Variants in UTY observed in about 807,000 individuals in gnomAD.
UTY encodes the protein histone demethylase UTY.
Under a neutral mutation model 32.5 loss-of-function variants are expected in UTY, and 12 were observed. The observed-to-expected ratio is 0.37, with a 90% confidence interval of 0.24 to 0.60. UTY has a LOEUF of 0.60. UTY is among the 20% of genes least tolerant of loss of function. UTY has a pLI of 0.69. For synonymous variants in UTY, 131 were observed against 103.4 expected (o/e 1.27, Z -1.62); for missense variants, 303 against 299.2 (o/e 1.01, Z -0.09).
intron 21 of UTY, among the ~76,000 whole-genome samples, chrY:13,316,072 TTAAC>T: frequency 3.0e-5 from 1 of 33,488 alleles, no homozygotes; most frequent in Non-Finnish European, 7.4e-5. Context: ...CTAAATTAAA[TTAAC>T]TGAGACCTCT....
intron 27 of UTY, chrY:13,297,420 G>A (rs757655431): frequency 3.7e-5 from 3 of 80,708 alleles, no homozygotes; most frequent in East Asian, 3.3e-4. Context: ...TCAGAATTAC[G>A]AGAAAATAGA....
At chrY:13,360,588 G>A in intron 10 of UTY, 60 bp from the exon 11 acceptor site, 2 of 272,279 alleles carry the variant, frequency 7.3e-6, no homozygotes, top group Non-Finnish European at 1.1e-5. Context: ...CCAAAAAGAT[G>A]AACTGTATTC....
At chrY:13,275,712 G>A (rs770921445) in intron 27 of UTY, among the ~76,000 whole-genome samples, 261 of 33,213 alleles carry the variant, frequency 7.9e-3, no homozygotes, top group Middle Eastern at 0.042. Context: ...ATTTTCTAAT[G>A]TTTTCTCTCT....
intron 27 of UTY, chrY:13,286,692 G>A: frequency 5.4e-6 from 2 of 370,581 alleles, no homozygotes; most frequent in East Asian, 9.3e-5. Context: ...TTTTTCACCC[G>A]AGGGTCGGCT....
chrY:13,398,660 G>A (rs2068577891), intron 6 of UTY, among the ~76,000 whole-genome samples: 1 of 32,807 alleles, frequency 3.0e-5, no homozygotes, highest in African/African-American at 1.2e-4. Flanking sequence ...AACTTAACAA[G>A]GACTTAAAAT....
At chrY:13,296,106 T>C (rs2058018941) in intron 27 of UTY, among the ~76,000 whole-genome samples, 1 of 34,019 alleles carries the variant, frequency 2.9e-5, no homozygotes, top group Non-Finnish European at 7.3e-5. Flanking sequence ...TCCAGGTTTC[T>C]AATATATCCT....
At chrY:13,424,299 G>A (rs2072967446) in intron 4 of UTY, among the ~76,000 whole-genome samples, 1 of 33,039 alleles carries the variant, frequency 3.0e-5, no homozygotes, top group African/African-American at 1.2e-4. Flanking sequence ...CCAGCTACTC[G>A]GGAGGCTGAG....
intron 17 of UTY, among the ~76,000 whole-genome samples, chrY:13,341,973 T>C (rs2061522051): frequency 3.0e-5 from 1 of 33,279 alleles, no homozygotes; most frequent in African/African-American, 1.2e-4. Context: ...GAAGGGGACA[T>C]GACTTTAAAC....
intron 27 of UTY, among the ~76,000 whole-genome samples, chrY:13,281,987 C>A (rs772497692): frequency 2.7e-4 from 9 of 33,177 alleles, no homozygotes; most frequent in Non-Finnish European, 4.5e-4. Context: ...GCATATGCAT[C>A]ATTCTCAAGG....
chrY:13,450,237 T>TA (rs2076212895), intron 3 of UTY, among the ~76,000 whole-genome samples: 10 of 33,611 alleles, frequency 3.0e-4, no homozygotes, highest in Admixed American at 1.6e-3. Flanking sequence ...AAAGCAGACT[T>TA]AAAGTCTCTC....
intron 6 of UTY, among the ~76,000 whole-genome samples, chrY:13,406,987 T>C: frequency 3.2e-5 from 1 of 31,357 alleles, no homozygotes; most frequent in Non-Finnish European, 7.9e-5. Context: ...ACTCTCTTTA[T>C]GCAATCTTCA....
At chrY:13,436,646 C>G in intron 4 of UTY, among the ~76,000 whole-genome samples, 1 of 32,285 alleles carries the variant, frequency 3.1e-5, no homozygotes, top group African/African-American at 1.2e-4. Context: ...TGGAGTAAAG[C>G]TGACCCCCGC....
At chrY:13,383,645 G>A (rs2066414336) in intron 8 of UTY, among the ~76,000 whole-genome samples, 1 of 30,616 alleles carries the variant, frequency 3.3e-5, no homozygotes, top group Non-Finnish European at 7.8e-5. Flanking sequence ...ATGTGAAGGA[G>A]CAAATTAGAT....
intron 6 of UTY, among the ~76,000 whole-genome samples, chrY:13,409,454 CACAA>C (rs2070579520): frequency 3.0e-5 from 1 of 33,617 alleles, no homozygotes; most frequent in Non-Finnish European, 7.4e-5. Context: ...ACATAAATAG[CACAA>C]ACAGTCTACA....
chrY:13,342,639 C>T, intron 17 of UTY, among the ~76,000 whole-genome samples: 2 of 34,678 alleles, frequency 5.8e-5, no homozygotes, highest in Non-Finnish European at 1.4e-4. Flanking sequence ...TGAAGGCTTT[C>T]ATGCCACGAA....
At chrY:13,286,867 G>A in intron 27 of UTY, 1 of 371,959 alleles carries the variant, frequency 2.7e-6, no homozygotes, top group Middle Eastern at 6.9e-4. Context: ...GAAAACATTG[G>A]TTGTGTTATG....
intron 27 of UTY, among the ~76,000 whole-genome samples, chrY:13,276,208 A>G (rs2056666131): frequency 3.0e-5 from 1 of 33,350 alleles, no homozygotes; most frequent in Non-Finnish European, 7.4e-5. Flanking sequence ...TAATCATACC[A>G]CTGCACTGTA....
intron 18 of UTY, among the ~76,000 whole-genome samples, chrY:13,334,873 C>G: frequency 3.0e-5 from 1 of 33,683 alleles, no homozygotes; most frequent in Non-Finnish European, 7.4e-5. Flanking sequence ...ATAAGTCATT[C>G]TACTATAAAG....
intron 4 of UTY, among the ~76,000 whole-genome samples, chrY:13,448,142 C>A (rs760226889): frequency 3.0e-5 from 1 of 33,804 alleles, no homozygotes; most frequent in South Asian, 6.4e-4. Flanking sequence ...CCAACACTTG[C>A]TGTCTTTTAA....
Sources: allele counts gnomAD v4.1 joint callset (sites outside exome capture counted in the v4.1 genomes callset), GRCh38; gene constraint gnomAD v4.1.1; transcripts MANE v1.5; gene names NCBI Gene and HGNC (gene_info 2026-07-23, HGNC 2026-07-21).